Variants in ALOX5AP observed in about 807,000 individuals in gnomAD.
ALOX5AP encodes the protein arachidonate 5-lipoxygenase activating protein, also known as arachidonate 5-lipoxygenase-activating protein.
A neutral mutation model predicts 18.5 loss-of-function variants in ALOX5AP; 9 were observed. The observed-to-expected ratio is 0.49, with a 90% confidence interval of 0.29 to 0.85. The LOEUF (loss-of-function observed/expected upper bound fraction) is 0.85, where lower values mean the gene tolerates loss of function less well. Ranked by LOEUF, ALOX5AP falls within the 40% of genes least tolerant of loss-of-function variation. The probability of loss-of-function intolerance (pLI) is 0.08; values close to 1 mark genes in which losing one functional copy is unlikely to be tolerated. For synonymous variants in ALOX5AP, 81 were observed against 78.6 expected (o/e 1.03, Z -0.16); for missense variants, 172 against 202.5 (o/e 0.85, Z 0.91).
rs948500332 is a variant in ALOX5AP, at chr13:30,743,266, C to T, written c.71-794C>T. ...ACGGCCCCTTACCATGCTCTTCTTT[C>T]GCCCATAGCTCAGCACACCATATCA... On this transcript the variant is annotated intron_variant, in intron 1 of 4. Coordinates refer to ENST00000380490, the MANE Select transcript of ALOX5AP (RefSeq NM_001629.4). 4.6e-5 allele frequency among the ~76,000 whole-genome samples: 7 copies of T among 152,100 alleles called. No homozygotes were observed. In the South Asian group the frequency reaches 8.3e-4, roughly 18 times the overall value.
intron 1 of ALOX5AP, among the ~76,000 whole-genome samples, chr13:30,725,453 G>A (rs935718198): frequency 2.6e-5 from 4 of 152,246 alleles, no homozygotes; most frequent in Non-Finnish European, 5.9e-5. Flanking sequence ...CATGGGGGCA[G>A]GGCTATGTAT....
Position 30,764,291 on chromosome 13 carries a change from T to C in ALOX5AP, c.*185T>C, listed in dbSNP as rs200158800. 1.0e-5 allele frequency: 6 copies of C among 588,582 alleles called. No homozygotes were observed. The highest frequency in any genetic ancestry group is 1.7e-5 in the Non-Finnish European group (6 of 358,770). 36.5% of individuals were successfully genotyped at this position (588,582 alleles called of 1,614,324 possible). A position where few individuals can be genotyped will look rare whatever the true frequency, so the allele number is the denominator to read the frequency against. ...ATGATGTCATGTCAGCTCCGCCCCT[T>C]GAACATGACCGTGGCCCCAAATTTG... On this transcript the variant is annotated 3_prime_UTR_variant, in exon 5 of 5. Coordinates refer to ENST00000380490, the MANE Select transcript of ALOX5AP (RefSeq NM_001629.4).
intron 3 of ALOX5AP, among the ~76,000 whole-genome samples, chr13:30,754,453 T>C (rs755774565): frequency 2.0e-5 from 3 of 152,138 alleles, no homozygotes; most frequent in Non-Finnish European, 2.9e-5. Flanking sequence ...AGGACCATGG[T>C]CTAGCTAGTA....
At chr13:30,751,403 C>G (rs1349673610) in intron 2 of ALOX5AP, among the ~76,000 whole-genome samples, 2 of 152,162 alleles carry the variant, frequency 1.3e-5, no homozygotes, top group African/African-American at 4.8e-5. Flanking sequence ...GAAACTCATA[C>G]AGTTATCATG....
At chr13:30,726,646 G>A (rs1489308066) in intron 1 of ALOX5AP, among the ~76,000 whole-genome samples, 1 of 152,174 alleles carries the variant, frequency 6.6e-6, no homozygotes, top group Non-Finnish European at 1.5e-5. Context: ...TGTTGAATAT[G>A]TCTTCTTTAT....
At chr13:30,750,484 A>G (rs926894691) in intron 2 of ALOX5AP, among the ~76,000 whole-genome samples, 69 of 152,200 alleles carry the variant, frequency 4.5e-4, no homozygotes, top group Non-Finnish European at 9.0e-4. Context: ...TTAATTTAGT[A>G]TAGTTGAAGA....
intron 4 of ALOX5AP, among the ~76,000 whole-genome samples, chr13:30,759,335 G>T (rs1427557997): frequency 2.0e-5 from 3 of 152,156 alleles, no homozygotes; most frequent in Admixed American, 1.3e-4. Context: ...GCTCAATGGT[G>T]GGTGGGCAAT....
At chr13:30,718,633 G>C (rs541981004) in intron 1 of ALOX5AP, among the ~76,000 whole-genome samples, 2 of 151,934 alleles carry the variant, frequency 1.3e-5, no homozygotes, top group South Asian at 4.2e-4. Flanking sequence ...TGCCATCCCT[G>C]CCACCTTCTC....
Position 30,762,269 on chromosome 13 carries a change from G to C in ALOX5AP, c.324-1675G>C, listed in dbSNP as rs143483795. 3.3e-4 allele frequency among the ~76,000 whole-genome samples: 51 copies of C among 152,322 alleles called. No individual in the cohort carries two copies. The East Asian group carries it at 9.1e-3, about 27-fold the overall frequency. On this transcript the variant is annotated intron_variant, in intron 4 of 4. Transcript: ENST00000380490. ...AAGGAGCTTGATACATAATGGCTGA[G>C]TGACTTTCAGACTCCTGCTGTAGAA...
intron 1 of ALOX5AP, among the ~76,000 whole-genome samples, chr13:30,722,736 G>A (rs1951603913): frequency 6.6e-6 from 1 of 152,232 alleles, no homozygotes; most frequent in African/African-American, 2.4e-5. Context: ...TTTGGTCATA[G>A]TGATAAATGG....
chr13:30,758,837 CA>C (rs1260773999), intron 4 of ALOX5AP, among the ~76,000 whole-genome samples: 30 of 151,690 alleles, frequency 2.0e-4, no homozygotes, highest in African/African-American at 7.0e-4. Flanking sequence ...CCTCACCTTA[CA>C]TAGTCTTGCT....
intron 4 of ALOX5AP, among the ~76,000 whole-genome samples, chr13:30,763,502 C>T (rs1951962527): frequency 6.6e-6 from 1 of 152,202 alleles, no homozygotes; most frequent in Non-Finnish European, 1.5e-5. Context: ...CCGGTTTTAT[C>T]GGCTCATTTA....
chr13:30,755,100 C>T (rs1029397743), intron 3 of ALOX5AP, among the ~76,000 whole-genome samples: 1 of 152,124 alleles, frequency 6.6e-6, no homozygotes, highest in African/African-American at 2.4e-5. Context: ...AGCTAGAATG[C>T]AGAGGGAATC....
rs200702316 is a variant in ALOX5AP, at chr13:30,756,024, A to T, written c.322A>T (p.Ser108Cys). Residue 108 changes from serine to cysteine, a missense_variant and splice_region_variant, in exon 4 of 5, where the codon AGC (serine) becomes TGC (cysteine). Coordinates refer to ENST00000380490, the MANE Select transcript of ALOX5AP (RefSeq NM_001629.4). ...FVGYLGERTQ[S>C]TPGYIFGKRI... The stretch of plus-strand genomic sequence containing the variant: ...CGGTTACCTAGGAGAGAGAACGCAG[A>T]GGTAGGTAACTGGGACTACTAAAGA... 17 of 1,613,870 alleles carry T rather than the reference A, an allele frequency of 1.1e-5. No homozygotes were observed. Among genetic ancestry groups the T allele is most frequent in the Non-Finnish European group, 1.4e-5 (16 of 1,179,826 alleles).
chr13:30,723,015 A>G (rs374307603), intron 1 of ALOX5AP, among the ~76,000 whole-genome samples: 1 of 152,188 alleles, frequency 6.6e-6, no homozygotes, highest in South Asian at 2.1e-4. Flanking sequence ...CTTTATAATT[A>G]TCCAGTCTCA....
upstream of ALOX5AP, among the ~76,000 whole-genome samples, chr13:30,733,920 C>T (rs1461840260): frequency 6.6e-6 from 1 of 152,054 alleles, no homozygotes; most frequent in Non-Finnish European, 1.5e-5. Context: ...CCCTTGTTCT[C>T]CAGCTTTTGG....
At chr13:30,720,226 T>C (rs1273444076) in intron 1 of ALOX5AP, among the ~76,000 whole-genome samples, 2 of 152,238 alleles carry the variant, frequency 1.3e-5, no homozygotes, top group Admixed American at 6.5e-5. Flanking sequence ...TTTCTAATTT[T>C]CTAATATGAT....
At chr13:30,741,404 T>C (rs1489661748) in intron 1 of ALOX5AP, among the ~76,000 whole-genome samples, 1 of 150,304 alleles carries the variant, frequency 6.7e-6, no homozygotes, top group Non-Finnish European at 1.5e-5. Context: ...TTTTTTTTTT[T>C]TTTCTTTTTG....
At chr13:30,730,308 G>A (rs547741267) in intron 1 of ALOX5AP, among the ~76,000 whole-genome samples, 1 of 152,334 alleles carries the variant, frequency 6.6e-6, no homozygotes, top group South Asian at 2.1e-4. Flanking sequence ...CCACCTGATT[G>A]TGGCCAGGGA....
Sources: gnomAD v4.1 joint callset for allele counts (sites outside exome capture counted in the v4.1 genomes callset) on GRCh38, gnomAD v4.1.1 for gene constraint, MANE v1.5 for transcripts, NCBI Gene and HGNC (gene_info 2026-07-23, HGNC 2026-07-21) for gene names.